DOK6: variants seen among roughly 807,000 people sequenced by gnomAD.
The protein encoded by DOK6 is docking protein 6, also known as downstream of tyrosine kinase 6.
A neutral mutation model predicts 44.0 loss-of-function variants in DOK6; 22 were observed. The ratio of observed to expected loss-of-function variants is 0.50; its 90% CI spans 0.36 to 0.71. The LOEUF is 0.71. DOK6 is among the 30% of genes least tolerant of loss of function. The pLI, the probability that DOK6 is intolerant of heterozygous loss-of-function variation, is 0.00. For synonymous variants in DOK6, 166 were observed against 145.5 expected (o/e 1.14, Z -1.01); for missense variants, 340 against 416.4 (o/e 0.82, Z 1.60).
intron 1 of DOK6, among the ~76,000 whole-genome samples, chr18:69,539,634 A>C (rs1698227337): frequency 6.6e-6 from 1 of 152,068 alleles, no homozygotes; most frequent in Non-Finnish European, 1.5e-5. Context: ...TTATTCCAGT[A>C]AGTGCATGTA....
At chr18:69,557,856 T>C (rs1406462102) in intron 1 of DOK6, among the ~76,000 whole-genome samples, 1 of 152,054 alleles carries the variant, frequency 6.6e-6, no homozygotes, top group Admixed American at 6.6e-5. Context: ...AAGCAATAGG[T>C]TCTGTTGTTA....
intron 1 of DOK6, among the ~76,000 whole-genome samples, chr18:69,458,287 A>T (rs1300930876): frequency 2.0e-5 from 3 of 152,248 alleles, no homozygotes; most frequent in African/African-American, 4.8e-5. Context: ...AAAGAATTAA[A>T]AGCAAAAACA....
At chr18:69,405,937 A>C (rs553113386) in intron 1 of DOK6, among the ~76,000 whole-genome samples, 2 of 152,200 alleles carry the variant, frequency 1.3e-5, no homozygotes, top group Non-Finnish European at 2.9e-5. Flanking sequence ...CTTGTCTAGA[A>C]TATTGTGAAT....
chr18:69,466,200 C>T (rs1241413556), intron 1 of DOK6, among the ~76,000 whole-genome samples: 1 of 152,128 alleles, frequency 6.6e-6, no homozygotes, highest in African/African-American at 2.4e-5. Flanking sequence ...TGGCAACCAC[C>T]ATCCTACGCT....
At position 69,843,171 on chromosome 18, in the gene DOK6, C is replaced by CA. The variant is rs1267605292; in HGVS notation, c.*1794dup. On this transcript the variant is annotated 3_prime_UTR_variant, in exon 8 of 8. Coordinates refer to ENST00000382713, the MANE Select transcript of DOK6 (RefSeq NM_152721.6). ...CTAATCGTAAGAGTTAATGTGGCTGCAAAAAATAATTATCCTAAGCTTTCA... is the reference window on the plus strand; with the variant it reads ...CTAATCGTAAGAGTTAATGTGGCTGCAAAAAAATAATTATCCTAAGCTTTCA... 2.0e-4 allele frequency: 30 copies of CA among 152,192 alleles called. No individual in the cohort carries two copies. Among genetic ancestry groups the CA allele is most frequent in the Admixed American group, 1.0e-3 (16 of 15,284 alleles). The allele number at this position is 152,192 out of a possible 1,614,324, so 9.4% of individuals were successfully genotyped here.
chr18:69,473,720 C>G (rs1213325935), intron 1 of DOK6, among the ~76,000 whole-genome samples: 2 of 152,136 alleles, frequency 1.3e-5, no homozygotes, highest in African/African-American at 2.4e-5. Flanking sequence ...GAAAGAGACT[C>G]TAAACCACTA....
rs145014414 is a variant in DOK6, at chr18:69,659,571, C to T, written c.290-18163C>T. Among the ~76,000 whole-genome samples the T allele has an allele frequency of 1.2e-4, 18 of 152,184 alleles. No homozygotes were observed. In the East Asian group the frequency reaches 3.5e-3, roughly 29 times the overall value. On this transcript the variant is annotated intron_variant, in intron 3 of 7. Coordinates refer to ENST00000382713, the MANE Select transcript of DOK6 (RefSeq NM_152721.6). ...GAGATAAAGTCAAGGGCACTCGGGA[C>T]ATGAGCAAACAGGTCGTTAAATGCA...
intron 4 of DOK6, among the ~76,000 whole-genome samples, chr18:69,680,982 A>G (rs973678157): frequency 2.0e-5 from 3 of 152,238 alleles, no homozygotes; most frequent in African/African-American, 4.8e-5. Flanking sequence ...TTAAAATAAA[A>G]TCATTAACTT....
chr18:69,821,946 T>C (rs1981585955), intron 7 of DOK6, among the ~76,000 whole-genome samples: 1 of 152,112 alleles, frequency 6.6e-6, no homozygotes, highest in Non-Finnish European at 1.5e-5. Context: ...TTTAATTCAG[T>C]TCTCTGAATT....
intron 3 of DOK6, among the ~76,000 whole-genome samples, chr18:69,641,520 T>A (rs889503177): frequency 2.0e-5 from 3 of 152,192 alleles, no homozygotes; most frequent in African/African-American, 7.2e-5. Flanking sequence ...TTTACATTTT[T>A]AAAGAAGCAG....
At chr18:69,762,143 CTGCATGCA>C (rs143072045) in intron 7 of DOK6, among the ~76,000 whole-genome samples, 1 of 145,538 alleles carries the variant, frequency 6.9e-6, no homozygotes, top group Non-Finnish European at 1.5e-5. Context: ...GACTCCATCT[CTGCATGCA>C]TACATACATA....
chr18:69,712,257 G>A (rs1333193331), intron 5 of DOK6, among the ~76,000 whole-genome samples: 3 of 105,318 alleles, frequency 2.8e-5, no homozygotes, highest in African/African-American at 7.6e-5. Context: ...CTCCAGCCTG[G>A]GCGACAGAGC....
At chr18:69,415,507 A>G (rs371749212) in intron 1 of DOK6, among the ~76,000 whole-genome samples, 1 of 152,064 alleles carries the variant, frequency 6.6e-6, no homozygotes, top group East Asian at 1.9e-4. Flanking sequence ...ACCTTCCAAT[A>G]TGAATTTTAA....
At chr18:69,625,201 T>G (rs565483931) in intron 3 of DOK6, among the ~76,000 whole-genome samples, 82 of 152,258 alleles carry the variant, frequency 5.4e-4, no homozygotes, top group Non-Finnish European at 1.0e-3. Flanking sequence ...AACTCTTTAT[T>G]AGTGTCAAGA....
At chr18:69,819,690 T>G (rs1981509949) in intron 7 of DOK6, among the ~76,000 whole-genome samples, 1 of 152,160 alleles carries the variant, frequency 6.6e-6, no homozygotes, top group Non-Finnish European at 1.5e-5. Flanking sequence ...CCCGTAGACC[T>G]TGAAAAGCAT....
chr18:69,757,781 T>C lies in DOK6; in HGVS notation c.764T>C (p.Met255Thr). 6.2e-7 allele frequency: 1 copy of C among 1,614,140 alleles called. No homozygotes were observed. Among genetic ancestry groups the C allele is most frequent in the Non-Finnish European group, 8.5e-7 (1 of 1,179,970 alleles). Residue 255 changes from methionine (M) to threonine (T), a missense_variant, in exon 7 of 8, where the codon ATG (methionine) becomes ACG (threonine). This residue lies in a region of DOK6 where 112 missense variants were observed against 109.3 expected (regional missense o/e 1.02). Transcript: ENST00000382713. ...ARLQTSLTEP[M>T]TLSKSISLPR... ...CTTCAGACAAGCTTGACTGAACCAA[T>C]GACATTATCCAAATCAATATCTCTT...
intron 3 of DOK6, among the ~76,000 whole-genome samples, chr18:69,600,630 T>C (rs1209767322): frequency 6.6e-6 from 1 of 152,152 alleles, no homozygotes; most frequent in Non-Finnish European, 1.5e-5. Flanking sequence ...TAAACCACTT[T>C]ATTTTTCTCT....
At chr18:69,499,455 A>G (rs1245095804) in intron 1 of DOK6, among the ~76,000 whole-genome samples, 3 of 152,210 alleles carry the variant, frequency 2.0e-5, no homozygotes, top group Non-Finnish European at 2.9e-5. Context: ...TTGTAGAATG[A>G]GTAATTTACG....
At chr18:69,760,720 C>T (rs1228402612) in intron 7 of DOK6, among the ~76,000 whole-genome samples, 4 of 143,100 alleles carry the variant, frequency 2.8e-5, no homozygotes, top group East Asian at 2.1e-4. Context: ...CTGCCTTTCC[C>T]GGGGGCCGGT....
Sources: gnomAD v4.1 joint callset for allele counts (sites outside exome capture counted in the v4.1 genomes callset) on GRCh38, gnomAD v4.1.1 for gene constraint, gnomAD v4.1.1 regional missense constraint, MANE v1.5 for transcripts, NCBI Gene and HGNC (gene_info 2026-07-23, HGNC 2026-07-21) for gene names.